MUC12: variants seen among roughly 807,000 people sequenced by gnomAD.
The protein encoded by MUC12 is mucin-12.
A neutral mutation model predicts 230.8 loss-of-function variants in MUC12; 172 were observed. The ratio of observed to expected loss-of-function variants is 0.75; its 90% confidence interval spans 0.66 to 0.85. MUC12 has a LOEUF of 0.85. Among genes scored for constraint, MUC12 ranks in the 40% least tolerant of loss-of-function variants. The pLI is 0.00. For missense variants in MUC12, 3,506 were observed against 5,920.6 expected (o/e 0.59, Z 13.38); for synonymous variants, 1,259 against 2,401.9 (o/e 0.52, Z 13.91).
rs146953141 is a variant in MUC12 at position 101,004,914 on chromosome 7, G to C, written c.14351G>C (p.Ser4784Thr). The change falls in exon 2 of 12, where the codon AGC becomes ACC. Residue 4784 changes from serine (S) to threonine (T), a missense_variant. By Grantham distance (58) the Ser-to-Thr change is moderately conservative. Transcript: ENST00000536621. The part of the protein sequence containing the change: ...ESTHTTAFPA[S>T]TTTSGLSQES... Reference sequence around the variant, plus strand: ...ACACACACAACAGCGTTCCCTGCCAGCACCACCACCTCAGGCCTCAGTCAG... The same window carrying C: ...ACACACACAACAGCGTTCCCTGCCACCACCACCACCTCAGGCCTCAGTCAG... The C allele has an allele frequency of 4.5e-4, 693 of 1,537,796 alleles. 3 individuals are homozygous for C. In the African/African-American group the frequency reaches 8.2e-3, roughly 18 times the overall value.
In MUC12 at chr7:101,004,489, T is replaced by C. The variant is rs1338111149; in HGVS notation, c.13926T>C (p.Ser4642=). 6.5e-7 allele frequency: 1 copy of C among 1,529,000 alleles called. No homozygotes were observed. The highest frequency in any genetic ancestry group is 8.7e-7 in the Non-Finnish European group (1 of 1,145,044). The allele number at this position is 1,529,000 out of a possible 1,614,324, so 94.7% of individuals were successfully genotyped here. Residue 4642 remains serine, a synonymous_variant, in exon 2 of 12, where the codon TCT becomes TCC. Transcript: ENST00000536621. ...ACAGCAGCACAACACACACAATATCTTCACCTCCTAGCACCACATCTGCCC... is the reference window on the plus strand; with the variant it reads ...ACAGCAGCACAACACACACAATATCCTCACCTCCTAGCACCACATCTGCCC... The part of the protein sequence containing the change: ...TSHSSTTHTI[S]SPPSTTSALV...
chr7:100,972,228 GA>G, intron 1 of MUC12: 1 of 702,076 alleles, frequency 1.4e-6, no homozygotes, highest in Non-Finnish European at 2.6e-6. Flanking sequence ...GACTCAGAGA[GA>G]GGATGAGTGA....
intron 1 of MUC12, among the ~76,000 whole-genome samples, chr7:100,988,783 G>A (rs1307349104): frequency 1.3e-5 from 2 of 152,116 alleles, no homozygotes. Context: ...ATCTTGAATT[G>A]TAGCTCCCAC....
chr7:101,004,858 AC>A lies in MUC12; in HGVS notation c.14298del (p.Thr4767ProfsTer217), dbSNP rs1425820874. The stretch of plus-strand genomic sequence containing the variant: ...TGACAAGCTCCAGCATCAGTGGAGA[AC>A]CCACCAGCTTGTATAGCCAAGCAGA... ...SMTSSSISGEPTSLYSQAEST... is the reference protein window; with the variant it reads ...SMTSSSISGEXTSLYSQAEST... On this transcript the variant is annotated frameshift_variant, in exon 2 of 12. Transcript: ENST00000536621. LOFTEE classifies it high-confidence loss of function. 2.0e-6 allele frequency: 3 copies of A among 1,537,128 alleles called. No individual in the cohort carries two copies. In the East Asian group the frequency reaches 7.3e-5, roughly 38 times the overall value.
At chr7:101,012,747 A>G (rs1374477845) in intron 6 of MUC12, 72 bp from the exon 7 acceptor site, 39 of 1,470,504 alleles carry the variant, frequency 2.7e-5, no homozygotes, top group Non-Finnish European at 3.7e-6. Context: ...TAGAAGAGAG[A>G]GGCCTGGCTA....
At position 101,005,131 on chromosome 7, in the gene MUC12, C is replaced by A; in HGVS notation, c.14568C>A (p.Ser4856Arg). ...LSEESTTFYSSPGSTETTAFS... is the reference protein window; with the variant it reads ...LSEESTTFYSRPGSTETTAFS... The stretch of plus-strand genomic sequence containing the variant: ...AGGAATCTACCACCTTCTACAGCAG[C>A]CCAGGCTCAACTGAAACCACAGCGT... Residue 4856 changes from serine (S) to arginine (R), a missense_variant, in exon 2 of 12, where the codon AGC becomes AGA. Ser to Arg is a moderately radical substitution (Grantham distance 110). Transcript: ENST00000536621. The A allele has an allele frequency of 6.5e-7, 1 of 1,537,914 alleles. No individual in the cohort carries two copies. The highest frequency in any genetic ancestry group is 1.2e-5 in the South Asian group (1 of 84,064).
Position 101,013,015 on chromosome 7 carries a change from C to A in MUC12, c.15511C>A (p.Gln5171Lys). Residue 5171 changes from glutamine to lysine, a missense_variant, in exon 8 of 12, where the codon CAG becomes AAG. Coordinates refer to ENST00000536621, the MANE Select transcript of MUC12 (RefSeq NM_001164462.2). Reference sequence around the variant, plus strand: ...CCAGAAGGCTGCCGAAGGATATACCCAGTTCTACTATGTGGATGTCTTGGA... The same window carrying A: ...CCAGAAGGCTGCCGAAGGATATACCAAGTTCTACTATGTGGATGTCTTGGA... ...CTQKAAEGYT[Q>K]FYYVDVLDGK... 1 of 1,537,372 alleles carries A rather than the reference C, an allele frequency of 6.5e-7. No individual in the cohort carries two copies.
In MUC12 at chr7:101,012,683, T is replaced by C. The variant is rs961594056; in HGVS notation, c.15404-136T>C. 7.3e-5 allele frequency: 77 copies of C among 1,052,714 alleles called. No individual in the cohort carries two copies. The African/African-American group carries it at 1.0e-3, about 14-fold the overall frequency. The allele number at this position is 1,052,714 out of a possible 1,614,324, so 65.2% of individuals were successfully genotyped here. On this transcript the variant is annotated intron_variant, in intron 6 of 11. Transcript: ENST00000536621. ...GAGCCTCCTCACAAGCCCAGCTGCA[T>C]GTCTAGGGTGGGCAAAGACTCCCAC...
At position 100,976,826 on chromosome 7, in the gene MUC12, A is replaced by G. The variant is rs34592405; in HGVS notation, c.67+7137A>G. Among the ~76,000 whole-genome samples the G allele has an allele frequency of 1.5e-4, 23 of 152,178 alleles. 1 individual carries two copies. The East Asian group carries it at 4.5e-3, about 29-fold the overall frequency. On this transcript the variant is annotated intron_variant, in intron 1 of 11. Transcript: ENST00000536621. ...AACACTTTGGGAGGTCAAGGCAGGC[A>G]GATCACGTGACATCGGGAGTTCGAG...
chr7:101,017,536 A>G, intron 10 of MUC12, 39 bp from the exon 11 acceptor site: 4 of 1,341,860 alleles, frequency 3.0e-6, no homozygotes, highest in Admixed American at 2.0e-5. Context: ...TCCTCCCCCT[A>G]CCAAGGCTCC....
At chr7:101,013,797 C>A (rs977690925) in intron 8 of MUC12, 116 bp from the exon 9 acceptor site, 22 of 1,248,838 alleles carry the variant, frequency 1.8e-5, no homozygotes, top group Non-Finnish European at 2.2e-5. Context: ...GGGCTGAGCT[C>A]CAGCCGTTGG....
intron 9 of MUC12, 35 bp from the exon 10 acceptor site, chr7:101,015,580 T>C: frequency 1.3e-6 from 2 of 1,532,370 alleles, no homozygotes; most frequent in Non-Finnish European, 1.8e-6. Context: ...CTCAGCCTCC[T>C]TGCCTACAGC....
At chr7:101,018,371 C>A (rs1308965338) in intron 11 of MUC12, among the ~76,000 whole-genome samples, 2 of 138,728 alleles carry the variant, frequency 1.4e-5, no homozygotes, top group Non-Finnish European at 3.2e-5. Flanking sequence ...TCCTGGGACT[C>A]CCTCCTCCCC....
In MUC12 at chr7:100,972,763, C is replaced by G. The variant is rs138965034; in HGVS notation, c.67+3074C>G. The G allele has an allele frequency of 7.3e-3, 4,849 of 666,658 alleles. 20 individuals carry two copies. The highest frequency in any genetic ancestry group is 9.8e-3 in the Non-Finnish European group (3,597 of 366,394). The allele number at this position is 666,658 out of a possible 1,614,324, so 41.3% of individuals were successfully genotyped here. A position where few individuals can be genotyped will look rare whatever the true frequency, so the allele number is the denominator to read the frequency against. ...TCAAGTAATCTGCTCAGCTCGAACT[C>G]CCAAAGTGCTGGAATGACAGGTGCG... On this transcript the variant is annotated intron_variant, in intron 1 of 11. Transcript: ENST00000536621.
chr7:100,993,751 C>T lies in MUC12; in HGVS notation c.3188C>T (p.Ala1063Val). 2 of 1,330,468 alleles carry T rather than the reference C, an allele frequency of 1.5e-6. 1 individual carries two copies. The highest frequency in any genetic ancestry group is 2.0e-6 in the Non-Finnish European group (2 of 1,003,132). The allele number at this position is 1,330,468 out of a possible 1,614,324, so 82.4% of individuals were successfully genotyped here. A position where few individuals can be genotyped will look rare whatever the true frequency, so the allele number is the denominator to read the frequency against. The change falls in exon 2 of 12, where the codon GCC (alanine) becomes GTC (valine). Residue 1063 changes from alanine to valine, a missense_variant. Physicochemically the swap from Ala to Val is moderately conservative, Grantham distance 64. Coordinates refer to ENST00000536621, the MANE Select transcript of MUC12 (RefSeq NM_001164462.2). The stretch of plus-strand genomic sequence containing the variant: ...GCAAGTGGAACAACACCCTCATCTG[C>T]CCACTCCACAACCTCAGGTCGTGGA... ...PDASGTTPSS[A>V]HSTTSGRGES...
At chr7:101,011,537 G>A (rs530252694) in intron 5 of MUC12, among the ~76,000 whole-genome samples, 12 of 152,018 alleles carry the variant, frequency 7.9e-5, no homozygotes, top group Non-Finnish European at 1.5e-4. Context: ...TCCTCCTGAC[G>A]TAGCGTCCTG....
rs61749513 is a variant in MUC12 at position 100,991,362 on chromosome 7, A to T, written c.799A>T (p.Ser267Cys). Reference protein sequence around the residue: ...GSPHTTLSPSSSTTHEGEPTT... With the variant: ...GSPHTTLSPSCSTTHEGEPTT... ...GCCACACACAACACTGTCCCCTTCC[A>T]GCTCTACAACCCATGAGGGAGAACC... The change falls in exon 2 of 12, where the codon AGC becomes TGC. Residue 267 changes from serine to cysteine, a missense_variant. Physicochemically the swap from Ser to Cys is moderately radical, Grantham distance 112 (BLOSUM62 -1). Transcript: ENST00000536621. 18 of 1,537,670 alleles carry T rather than the reference A, an allele frequency of 1.2e-5. No homozygotes were observed. In the South Asian group the frequency reaches 2.1e-4, roughly 18 times the overall value.
Position 101,018,897 on chromosome 7 carries a change from C to G in MUC12, c.*261C>G, listed in dbSNP as rs1479364909. The G allele has an allele frequency of 1.4e-5, 6 of 437,014 alleles. No homozygotes were observed. The Admixed American group carries it at 2.0e-4, about 15-fold the overall frequency. The allele number at this position is 437,014 out of a possible 1,614,324, so 27.1% of individuals were successfully genotyped here. On this transcript the variant is annotated 3_prime_UTR_variant, in exon 12 of 12. Transcript: ENST00000536621. ...GTCTCCTCCTGGGTGGCTCCCCACTCTGGAATTTCCCTACCAATAAAAGCA... is the reference window on the plus strand; with the variant it reads ...GTCTCCTCCTGGGTGGCTCCCCACTGTGGAATTTCCCTACCAATAAAAGCA...
chr7:100,985,574 A>G (rs1793175160), intron 1 of MUC12, among the ~76,000 whole-genome samples: 1 of 152,234 alleles, frequency 6.6e-6, no homozygotes, highest in Admixed American at 6.5e-5. Context: ...CCTACTCCCA[A>G]GAATGAACAA....
Sources: gnomAD v4.1 joint callset for allele counts (sites outside exome capture counted in the v4.1 genomes callset) on GRCh38, gnomAD v4.1.1 for gene constraint, MANE v1.5 for transcripts, NCBI Gene and HGNC (gene_info 2026-07-23, HGNC 2026-07-21) for gene names.